WDFY3: variants seen among roughly 807,000 people sequenced by gnomAD.
WDFY3 encodes the protein WD repeat and FYVE domain containing 3.
WDFY3 carries 66 observed loss-of-function variants against 409.6 expected under a neutral mutation model. The ratio of observed to expected loss-of-function variants is 0.16; its 90% CI spans 0.13 to 0.20. The LOEUF (loss-of-function observed/expected upper bound fraction) is 0.20. Among genes scored for constraint, WDFY3 ranks in the 10% least tolerant of loss-of-function variants. The pLI is 1.00. For synonymous variants in WDFY3, 1,521 were observed against 1,537.1 expected, an observed-to-expected ratio of 0.99 and a Z score of 0.25; for missense variants, 3,031 against 4,298.1, an observed-to-expected ratio of 0.71 and a Z score of 8.24.
intron 3 of WDFY3, among the ~76,000 whole-genome samples, chr4:84,864,365 C>CAAAAAAA (rs35016773): frequency 1.4e-3 from 44 of 32,388 alleles, no homozygotes; most frequent in East Asian, 1.6e-3. Context: ...GACTCCATCT[C>CAAAAAAA]AAAAAAAAAA....
intron 63 of WDFY3, among the ~76,000 whole-genome samples, chr4:84,683,393 A>C (rs1727737390): frequency 1.3e-5 from 2 of 152,226 alleles, no homozygotes; most frequent in African/African-American, 4.8e-5. Context: ...CCTGAGACAG[A>C]AAAACTCAAA....
At chr4:84,826,594 T>G (rs1452621200) in intron 10 of WDFY3, among the ~76,000 whole-genome samples, 1 of 152,180 alleles carries the variant, frequency 6.6e-6, no homozygotes, top group Non-Finnish European at 1.5e-5. Flanking sequence ...TCTCCTTGTT[T>G]GATTTTATAT....
chr4:84,866,467 G>C (rs769510999), intron 3 of WDFY3, among the ~76,000 whole-genome samples: 1 of 152,154 alleles, frequency 6.6e-6, no homozygotes, highest in African/African-American at 2.4e-5. Context: ...AGGATCAAAG[G>C]CTATCTCCCT....
At chr4:84,739,654 G>A (rs769879538) in intron 39 of WDFY3, among the ~76,000 whole-genome samples, 83 of 152,206 alleles carry the variant, frequency 5.5e-4, no homozygotes, top group Admixed American at 1.4e-3. Flanking sequence ...CCTCTTATGT[G>A]CCTCCAAAGC....
At chr4:84,691,524 C>G (rs772960688) in intron 60 of WDFY3, 107 bp downstream of exon 60, 354 of 1,236,848 alleles carry the variant, frequency 2.9e-4, no homozygotes, top group Non-Finnish European at 3.8e-4. Context: ...TTTGGAGGAA[C>G]AGCTGACAAG....
intron 7 of WDFY3, 49 bp downstream of exon 7, chr4:84,836,880 C>T (rs1756647572): frequency 7.4e-7 from 1 of 1,354,984 alleles, no homozygotes; most frequent in Non-Finnish European, 9.7e-7. Context: ...GGAAGTATAC[C>T]CACTTCCCTT....
intron 13 of WDFY3, among the ~76,000 whole-genome samples, chr4:84,813,496 C>T (rs1480972586): frequency 6.6e-6 from 1 of 152,112 alleles, no homozygotes; most frequent in Non-Finnish European, 1.5e-5. Flanking sequence ...TGAGGAAATG[C>T]TATATAATGG....
chr4:84,783,705 G>A (rs979893149), intron 24 of WDFY3, among the ~76,000 whole-genome samples: 1 of 152,082 alleles, frequency 6.6e-6, no homozygotes, highest in African/African-American at 2.4e-5. Context: ...TTATCCAAGA[G>A]TTTATAGATA....
chr4:84,887,092 G>A (rs1481427379), intron 3 of WDFY3, among the ~76,000 whole-genome samples: 1 of 152,118 alleles, frequency 6.6e-6, no homozygotes, highest in African/African-American at 2.4e-5. Context: ...TACACCATGT[G>A]CCAGGAAATG....
intron 38 of WDFY3, 74 bp downstream of exon 38, chr4:84,741,687 A>T: frequency 7.1e-7 from 1 of 1,406,472 alleles, no homozygotes; most frequent in Non-Finnish European, 9.6e-7. Context: ...AGTTATATTT[A>T]ATTTCAACAA....
At chr4:84,931,758 C>T (rs182874345) in intron 2 of WDFY3, among the ~76,000 whole-genome samples, 1 of 152,108 alleles carries the variant, frequency 6.6e-6, no homozygotes, top group South Asian at 2.1e-4. Flanking sequence ...AAACTAATAA[C>T]CTCATGTAAA....
chr4:84,742,042 C>A, intron 37 of WDFY3, 121 bp from the exon 38 acceptor site: 1 of 874,058 alleles, frequency 1.1e-6, no homozygotes, highest in East Asian at 2.8e-5. Flanking sequence ...AGCAATATGA[C>A]TACTAGCTTT....
At chr4:84,818,364 C>A (rs1253080926) in intron 12 of WDFY3, among the ~76,000 whole-genome samples, 3 of 152,198 alleles carry the variant, frequency 2.0e-5, no homozygotes, top group Middle Eastern at 3.4e-3. Flanking sequence ...ATTCTTCTAT[C>A]CCTTACGTTT....
chr4:84,894,560 G>C (rs149327063), intron 3 of WDFY3, among the ~76,000 whole-genome samples: 10,140 of 152,124 alleles, frequency 0.067, 462 homozygotes, highest in Admixed American at 0.12. Context: ...GGCGAGGCAG[G>C]TGGATCACCT....
At chr4:84,947,517 T>TAAC (rs767110742) in intron 1 of WDFY3, among the ~76,000 whole-genome samples, 1 of 100,848 alleles carries the variant, frequency 9.9e-6, no homozygotes, top group Non-Finnish European at 1.7e-5. Flanking sequence ...GTCTCAAAAA[T>TAAC]AATAATAATA....
chr4:84,718,827 C>T (rs957732694), intron 47 of WDFY3, among the ~76,000 whole-genome samples: 6 of 152,226 alleles, frequency 3.9e-5, no homozygotes, highest in Non-Finnish European at 5.9e-5. Flanking sequence ...GGCAAACATG[C>T]GCTAGCTTCT....
intron 3 of WDFY3, among the ~76,000 whole-genome samples, chr4:84,880,651 T>A (rs1763359526): frequency 8.4e-6 from 1 of 118,990 alleles, no homozygotes; most frequent in Non-Finnish European, 1.7e-5. Flanking sequence ...ATAATAAAAG[T>A]GTTTGTCAAT....
At chr4:84,751,886 C>A (rs1740584800) in intron 35 of WDFY3, among the ~76,000 whole-genome samples, 170 bp from the exon 36 acceptor site, 2 of 152,162 alleles carry the variant, frequency 1.3e-5, no homozygotes, top group Non-Finnish European at 2.9e-5. Flanking sequence ...AGTAATCTGG[C>A]ACCATATGTC....
At chr4:84,697,296 T>A (rs1036841994) in intron 56 of WDFY3, among the ~76,000 whole-genome samples, 5 of 152,174 alleles carry the variant, frequency 3.3e-5, no homozygotes, top group African/African-American at 1.2e-4. Flanking sequence ...ATACAAGAGG[T>A]TTCTCATATC....
Sources: allele counts gnomAD v4.1 joint callset (sites outside exome capture counted in the v4.1 genomes callset), GRCh38; gene constraint gnomAD v4.1.1; transcripts MANE v1.5; gene names NCBI Gene and HGNC (gene_info 2026-07-23, HGNC 2026-07-21).